The following CD4 variants were observed in gnomAD, a reference collection of about 807,000 sequenced individuals.
The protein encoded by CD4 is CD4 molecule, also known as T-cell surface glycoprotein CD4.
In CD4, 25 loss-of-function variants were observed where a neutral mutation model predicts 50.5. The observed-to-expected ratio is 0.49, with a 90% CI of 0.36 to 0.69. The LOEUF is 0.69. CD4 is among the 30% of genes least tolerant of loss of function. The pLI is 0.00. For synonymous variants in CD4, 207 were observed against 221.9 expected, an observed-to-expected ratio of 0.93 and a Z score of 0.60; for missense variants, 456 against 548.5, an observed-to-expected ratio of 0.83 and a Z score of 1.68.
At position 6,792,966 on chromosome 12, in the gene CD4, A is replaced by C. The variant is rs1942210423; in HGVS notation, c.-68+3304A>C. Among the ~76,000 whole-genome samples, 1 of 152,040 alleles carries C rather than the reference A, an allele frequency of 6.6e-6. No individual in the cohort carries two copies. The highest frequency in any genetic ancestry group is 2.4e-5 in the African/African-American group (1 of 41,394). ...TGAGCTGAGAAGCAAGGAGGGAGAG[A>C]GAGAGACAGAAAGAGAGAGAGAGAC... On this transcript the variant is annotated intron_variant, in intron 1 of 9. Transcript: ENST00000011653. The surrounding 1 kb of genome is among the most constrained non-coding windows in gnomAD (Gnocchi z 4.1).
chr12:6,801,042 A>G (rs1299922458), intron 3 of CD4, among the ~76,000 whole-genome samples: 1 of 151,722 alleles, frequency 6.6e-6, no homozygotes, highest in Non-Finnish European at 1.5e-5. Context: ...AGTAGCTGGG[A>G]CTACAGGCAT....
chr12:6,820,698 A>AC lies in CD4; in HGVS notation c.*1375dup, dbSNP rs1943245437. 1 of 151,118 alleles carries AC rather than the reference A, an allele frequency of 6.6e-6. No homozygotes were observed. The allele number at this position is 151,118 out of a possible 1,614,324, so 9.4% of individuals were successfully genotyped here. ...TTTAAAGCCTGCCTCTTCCAGGAAG[A>AC]CCCCCCTATTGCTGCTGGGGCTCCC... On this transcript the variant is annotated 3_prime_UTR_variant, in exon 10 of 10. Coordinates refer to ENST00000011653, the MANE Select transcript of CD4 (RefSeq NM_000616.5).
intron 3 of CD4, among the ~76,000 whole-genome samples, chr12:6,807,616 G>A (rs782092516): frequency 1.3e-5 from 2 of 152,136 alleles, no homozygotes; most frequent in Non-Finnish European, 2.9e-5. Context: ...ACCTTATGGC[G>A]CCGGAAATGT....
At chr12:6,802,043 TGCG>T (rs1942581053) in intron 3 of CD4, among the ~76,000 whole-genome samples, 1 of 151,808 alleles carries the variant, frequency 6.6e-6, no homozygotes, top group African/African-American at 2.4e-5. Flanking sequence ...CCGGCTAATT[TGCG>T]TATTTTTAGT....
chr12:6,794,786 GTT>G (rs1220016459), intron 1 of CD4, among the ~76,000 whole-genome samples: 1,529 of 105,324 alleles, frequency 0.015, 36 homozygotes, highest in African/African-American at 0.05. Flanking sequence ...TTTTTTTTTT[GTT>G]TTTTTTTTTT....
intron 5 of CD4, among the ~76,000 whole-genome samples, chr12:6,815,461 G>A (rs1943060869): frequency 6.6e-6 from 1 of 152,142 alleles, no homozygotes; most frequent in African/African-American, 2.4e-5. Context: ...TGTCCCCTGG[G>A]TGCTTATGTG....
intron 4 of CD4, 49 bp from the exon 5 acceptor site, chr12:6,814,710 C>A: frequency 7.4e-7 from 1 of 1,350,608 alleles, no homozygotes; most frequent in Non-Finnish European, 1.1e-6. Flanking sequence ...GTCTGCCCTT[C>A]TCCTTGGGGA....
rs1427979672 is a variant in CD4, at chr12:6,816,781, G to C, written c.956-349G>C. On this transcript the variant is annotated intron_variant, in intron 6 of 9. Coordinates refer to ENST00000011653, the MANE Select transcript of CD4 (RefSeq NM_000616.5). The surrounding 1 kb of genome is among the most constrained non-coding windows in gnomAD (Gnocchi z 4.9). Reference sequence around the variant, plus strand: ...ATGATAATGTCAAGCTCCAAATTGAGTTTCTGGCTTCCTTATCTCCTTATC... The same window carrying C: ...ATGATAATGTCAAGCTCCAAATTGACTTTCTGGCTTCCTTATCTCCTTATC... Among the ~76,000 whole-genome samples the C allele has an allele frequency of 6.6e-6, 1 of 152,162 alleles. No homozygotes were observed. Among genetic ancestry groups the C allele is most frequent in the Non-Finnish European group, 1.5e-5 (1 of 68,028 alleles).
rs377662922 is a variant in CD4, at chr12:6,818,820, G to T, written c.1279-27G>T. The stretch of plus-strand genomic sequence containing the variant: ...TCCCTTCTGGAGGCCTGGGACCCTC[G>T]TGACTCCCTTTCTTGTCCCTGGACA... On this transcript the variant is annotated intron_variant, in intron 8 of 9. Transcript: ENST00000011653. The surrounding 1 kb of genome is among the most constrained non-coding windows in gnomAD (Gnocchi z 5.0). The T allele has an allele frequency of 6.8e-6, 11 of 1,607,126 alleles. No individual in the cohort carries two copies. Among genetic ancestry groups the T allele is most frequent in the Non-Finnish European group, 9.4e-6 (11 of 1,173,796 alleles).
intron 1 of CD4, among the ~76,000 whole-genome samples, chr12:6,793,623 G>C (rs1942239653): frequency 6.7e-6 from 1 of 150,202 alleles, no homozygotes; most frequent in Non-Finnish European, 1.5e-5. Context: ...TACTTCCCCG[G>C]TTTAAACAAA....
rs915825241 is a variant in CD4 at position 6,792,977 on chromosome 12, A to G, written c.-68+3315A>G. Among the ~76,000 whole-genome samples, 5 of 151,642 alleles carry G rather than the reference A, an allele frequency of 3.3e-5. No individual in the cohort carries two copies. The highest frequency in any genetic ancestry group is 1.2e-4 in the African/African-American group (5 of 41,298). On this transcript the variant is annotated intron_variant, in intron 1 of 9. Transcript: ENST00000011653. This position sits in a 1 kb window ranked among gnomAD's most constrained non-coding sequence, Gnocchi z 4.1. Reference sequence around the variant, plus strand: ...GCAAGGAGGGAGAGAGAGAGACAGAAAGAGAGAGAGAGACGTGCCAGGGCT... The same window carrying G: ...GCAAGGAGGGAGAGAGAGAGACAGAGAGAGAGAGAGAGACGTGCCAGGGCT...
At chr12:6,807,657 A>G (rs1465646670) in intron 3 of CD4, among the ~76,000 whole-genome samples, 13 of 152,232 alleles carry the variant, frequency 8.5e-5, no homozygotes, top group African/African-American at 2.9e-4. Flanking sequence ...ATGTGAGCAT[A>G]CTGGTTGAGA....
In CD4 at chr12:6,814,160, A is replaced by G; in HGVS notation, c.233A>G (p.Asp78Gly). The G allele has an allele frequency of 6.2e-7, 1 of 1,614,012 alleles. No homozygotes were observed. Among genetic ancestry groups the G allele is most frequent in the Admixed American group, 1.7e-5 (1 of 60,010 alleles). The change falls in exon 4 of 10, where the codon GAT becomes GGT. Residue 78 changes from aspartate to glycine, a missense_variant. Asp to Gly is a moderately conservative substitution (Grantham distance 94, BLOSUM62 -1). Coordinates refer to ENST00000011653, the MANE Select transcript of CD4 (RefSeq NM_000616.5). ...FLTKGPSKLN[D>G]RADSRRSLWD... ...CTCCCAGGTCCATCCAAGCTGAATG[A>G]TCGCGCTGACTCAAGAAGAAGCCTT...
At chr12:6,796,367 G>T (rs1942377007) in intron 1 of CD4, among the ~76,000 whole-genome samples, 1 of 152,220 alleles carries the variant, frequency 6.6e-6, no homozygotes, top group Non-Finnish European at 1.5e-5. Flanking sequence ...GGGGAAAGAA[G>T]GACCAAGCTT....
At chr12:6,817,907 C>T (rs1943133501) in intron 7 of CD4, among the ~76,000 whole-genome samples, 1 of 151,692 alleles carries the variant, frequency 6.6e-6, no homozygotes, top group Non-Finnish European at 1.5e-5. Flanking sequence ...ATACTCTCAC[C>T]CACACACTGT....
chr12:6,797,312 C>T (rs28917476), intron 1 of CD4, among the ~76,000 whole-genome samples: 1 of 151,996 alleles, frequency 6.6e-6, no homozygotes, highest in Non-Finnish European at 1.5e-5. Context: ...CCTGGACCAA[C>T]GCCTTCTGCT....
At chr12:6,790,495 A>G (rs543968302) in intron 1 of CD4, among the ~76,000 whole-genome samples, 12 of 152,368 alleles carry the variant, frequency 7.9e-5, no homozygotes, top group African/African-American at 1.4e-4. Flanking sequence ...TTGCAGATAC[A>G]TATCTTTAGA....
chr12:6,812,006 G>A (rs782104704), intron 3 of CD4, among the ~76,000 whole-genome samples: 1 of 152,030 alleles, frequency 6.6e-6, no homozygotes, highest in African/African-American at 2.4e-5. Context: ...TTTTAGAGAC[G>A]AGGGTCTCGA....
At chr12:6,804,053 G>C (rs1942647766) in intron 3 of CD4, among the ~76,000 whole-genome samples, 1 of 151,710 alleles carries the variant, frequency 6.6e-6, no homozygotes, top group African/African-American at 2.4e-5. Flanking sequence ...AGAGGTTGCA[G>C]TGAGCTGAGA....
Sources: allele counts gnomAD v4.1 joint callset (sites outside exome capture counted in the v4.1 genomes callset), GRCh38; gene constraint gnomAD v4.1.1; non-coding constraint Gnocchi (gnomAD v3.1); transcripts MANE v1.5; gene names NCBI Gene and HGNC (gene_info 2026-07-23, HGNC 2026-07-21).